The following SLC24A3 variants were observed in gnomAD, a reference collection of about 807,000 sequenced individuals.
The protein encoded by SLC24A3 is solute carrier family 24 member 3.
A neutral mutation model predicts 75.8 loss-of-function variants in SLC24A3; 28 were observed. The observed-to-expected ratio is 0.37, with a 90% CI of 0.27 to 0.51. The LOEUF (loss-of-function observed/expected upper bound fraction) is 0.51, where lower values mean the gene tolerates loss of function less well. Ranked by LOEUF, SLC24A3 falls within the 20% of genes least tolerant of loss-of-function variation. SLC24A3 has a pLI of 0.94. For missense variants in SLC24A3, 663 were observed against 847.8 expected, an observed-to-expected ratio of 0.78 and a Z score of 2.71; for synonymous variants, 372 against 334.1, an observed-to-expected ratio of 1.11 and a Z score of -1.24.
At chr20:19,226,997 G>T (rs1480518313) in intron 1 of SLC24A3, among the ~76,000 whole-genome samples, 1 of 152,170 alleles carries the variant, frequency 6.6e-6, no homozygotes, top group South Asian at 2.1e-4. Flanking sequence ...ATTTCTAAAG[G>T]TGGTATTTCA....
At chr20:19,321,433 A>T (rs1331624363) in intron 2 of SLC24A3, among the ~76,000 whole-genome samples, 1 of 152,204 alleles carries the variant, frequency 6.6e-6, no homozygotes, top group African/African-American at 2.4e-5. Flanking sequence ...AGGCAGAGGA[A>T]AAACATGAAT....
rs1986150725 is a variant in SLC24A3, at chr20:19,379,760, A to G, written c.271+98673A>G. Among the ~76,000 whole-genome samples the G allele has an allele frequency of 2.0e-5, 3 of 152,114 alleles. No homozygotes were observed. The South Asian group carries it at 6.2e-4, about 32-fold the overall frequency. ...CAACAACAACAATGACAAACACCAC[A>G]CCATTATCTGATTTTCCCCCTTCTA... On this transcript the variant is annotated intron_variant, in intron 2 of 16. Transcript: ENST00000328041.
chr20:19,250,115 G>A (rs965753121), intron 1 of SLC24A3, among the ~76,000 whole-genome samples: 1 of 152,206 alleles, frequency 6.6e-6, no homozygotes, highest in Non-Finnish European at 1.5e-5. Context: ...CAGTGTCCAC[G>A]CTGTGCTGAG....
At chr20:19,223,717 CTGG>C (rs1981793239) in intron 1 of SLC24A3, among the ~76,000 whole-genome samples, 1 of 152,202 alleles carries the variant, frequency 6.6e-6, no homozygotes, top group Non-Finnish European at 1.5e-5. Context: ...GCTCACCCTT[CTGG>C]TGATGATGTG....
At chr20:19,321,633 A>T (rs902007457) in intron 2 of SLC24A3, among the ~76,000 whole-genome samples, 4 of 152,236 alleles carry the variant, frequency 2.6e-5, no homozygotes, top group Admixed American at 2.6e-4. Flanking sequence ...GACACTTGTT[A>T]CATTTAAATG....
chr20:19,234,204 A>G (rs1255915090), intron 1 of SLC24A3, among the ~76,000 whole-genome samples: 2 of 152,240 alleles, frequency 1.3e-5, no homozygotes, highest in African/African-American at 4.8e-5. Flanking sequence ...GAACAGCAGC[A>G]TCAGCATCGC....
At chr20:19,326,609 C>T (rs1173386700) in intron 2 of SLC24A3, among the ~76,000 whole-genome samples, 1 of 149,864 alleles carries the variant, frequency 6.7e-6, no homozygotes, top group Non-Finnish European at 1.5e-5. Context: ...ATAGTGTCTC[C>T]CTTGGTCTCC....
chr20:19,218,787 T>C (rs538539439), intron 1 of SLC24A3, among the ~76,000 whole-genome samples: 1 of 152,114 alleles, frequency 6.6e-6, no homozygotes, highest in South Asian at 2.1e-4. Flanking sequence ...TGGTGGAAGA[T>C]GGCTGATAGG....
At chr20:19,431,077 A>G (rs1333739076) in intron 2 of SLC24A3, among the ~76,000 whole-genome samples, 1 of 151,952 alleles carries the variant, frequency 6.6e-6, no homozygotes, top group African/African-American at 2.4e-5. Flanking sequence ...AGCAGCTTTT[A>G]TGCACCCTGG....
chr20:19,666,659 T>G (rs1031186419), intron 8 of SLC24A3, among the ~76,000 whole-genome samples: 3 of 152,056 alleles, frequency 2.0e-5, no homozygotes, highest in African/African-American at 4.8e-5. Context: ...AAAATTGGTG[T>G]TGTTGGGGAT....
intron 2 of SLC24A3, among the ~76,000 whole-genome samples, chr20:19,319,841 C>T (rs575610135): frequency 3.3e-5 from 5 of 152,170 alleles, no homozygotes; most frequent in Admixed American, 1.3e-4. Context: ...TACATGTGTA[C>T]CCCAGCTGGC....
At chr20:19,349,101 A>G (rs1178537149) in intron 2 of SLC24A3, among the ~76,000 whole-genome samples, 2 of 152,166 alleles carry the variant, frequency 1.3e-5, no homozygotes, top group African/African-American at 4.8e-5. Context: ...CAAGCAATAC[A>G]TACTTGGTAA....
chr20:19,502,999 C>T (rs1988409518), intron 2 of SLC24A3, among the ~76,000 whole-genome samples: 1 of 150,452 alleles, frequency 6.6e-6, no homozygotes, highest in African/African-American at 2.5e-5. Context: ...TGCGCTCCAG[C>T]CCTGGCAACA....
chr20:19,464,092 A>G (rs1987724135), intron 2 of SLC24A3, among the ~76,000 whole-genome samples: 1 of 152,208 alleles, frequency 6.6e-6, no homozygotes, highest in African/African-American at 2.4e-5. Context: ...GATCAGTAGA[A>G]CCTGGAGAAA....
chr20:19,396,621 T>C (rs75847634), intron 2 of SLC24A3, among the ~76,000 whole-genome samples: 3,697 of 152,316 alleles, frequency 0.024, 57 homozygotes, highest in Non-Finnish European at 0.037. Flanking sequence ...CCACACATTG[T>C]TCACAGCCTT....
At chr20:19,513,814 T>C (rs1450464019) in intron 2 of SLC24A3, among the ~76,000 whole-genome samples, 1 of 152,106 alleles carries the variant, frequency 6.6e-6, no homozygotes, top group African/African-American at 2.4e-5. Flanking sequence ...AACTTGATCT[T>C]TTGATATACA....
intron 2 of SLC24A3, among the ~76,000 whole-genome samples, chr20:19,296,809 C>T (rs947954230): frequency 1.3e-5 from 2 of 152,156 alleles, no homozygotes; most frequent in Non-Finnish European, 2.9e-5. Context: ...CTTGGAGCCA[C>T]GTGGCACTTA....
intron 6 of SLC24A3, among the ~76,000 whole-genome samples, chr20:19,635,645 G>A (rs1244241260): frequency 6.6e-6 from 1 of 152,156 alleles, no homozygotes; most frequent in African/African-American, 2.4e-5. Flanking sequence ...ACTGGGGCTG[G>A]AATCATCTGG....
intron 2 of SLC24A3, among the ~76,000 whole-genome samples, chr20:19,424,743 AAC>A (rs1568614244): frequency 1.9e-4 from 3 of 15,552 alleles, no homozygotes; most frequent in Admixed American, 8.2e-4. Context: ...AAAAAACAAC[AAC>A]AAAAAAAAAA....
Sources: allele counts gnomAD v4.1 joint callset (sites outside exome capture counted in the v4.1 genomes callset), GRCh38; gene constraint gnomAD v4.1.1; transcripts MANE v1.5; gene names NCBI Gene and HGNC (gene_info 2026-07-23, HGNC 2026-07-21).